FGF2: variants seen among roughly 807,000 people sequenced by gnomAD.
The protein encoded by FGF2 is basic fibroblast growth factor bFGF.
Under a neutral mutation model 15.9 loss-of-function variants are expected in FGF2, and 13 were observed. The ratio of observed to expected loss-of-function variants is 0.82; its 90% CI spans 0.53 to 1.30. The LOEUF is 1.30. Among genes scored for constraint, FGF2 ranks in the 50% most tolerant of loss-of-function variants. The probability of loss-of-function intolerance (pLI) is 0.00; values close to 1 mark genes in which losing one functional copy is unlikely to be tolerated. For synonymous variants in FGF2, 90 were observed against 78.4 expected, an observed-to-expected ratio of 1.15 and a Z score of -0.78; for missense variants, 163 against 196.9, an observed-to-expected ratio of 0.83 and a Z score of 1.03.
intron 1 of FGF2, among the ~76,000 whole-genome samples, chr4:122,830,830 A>AAAAAAAC (rs1156391743): frequency 9.3e-5 from 14 of 151,230 alleles, no homozygotes; most frequent in Non-Finnish European, 1.9e-4. Flanking sequence ...AAAAAAAAAA[A>AAAAAAAC]AAAAAAAAAA....
At chr4:122,887,827 A>G (rs1437519576) in intron 2 of FGF2, among the ~76,000 whole-genome samples, 1 of 152,214 alleles carries the variant, frequency 6.6e-6, no homozygotes, top group Non-Finnish European at 1.5e-5. Flanking sequence ...ATATGTATAC[A>G]TCTACATTTC....
At chr4:122,835,598 C>G (rs747237787) in intron 1 of FGF2, among the ~76,000 whole-genome samples, 6 of 152,114 alleles carry the variant, frequency 3.9e-5, no homozygotes, top group Non-Finnish European at 5.9e-5. Context: ...TTATTCTTGT[C>G]TCCAAAGCTA....
At chr4:122,850,357 G>A (rs1354148043) in intron 1 of FGF2, among the ~76,000 whole-genome samples, 1 of 152,092 alleles carries the variant, frequency 6.6e-6, no homozygotes, top group Non-Finnish European at 1.5e-5. Context: ...TACTTGGGAG[G>A]GCCAGACTCC....
intron 1 of FGF2, among the ~76,000 whole-genome samples, chr4:122,837,088 G>A (rs1424576732): frequency 6.6e-6 from 1 of 152,136 alleles, no homozygotes; most frequent in Non-Finnish European, 1.5e-5. Flanking sequence ...TGGTACCATT[G>A]TTAATATTTT....
chr4:122,874,261 AAAAC>A (rs1489119988), intron 1 of FGF2, among the ~76,000 whole-genome samples: 4 of 152,248 alleles, frequency 2.6e-5, no homozygotes, highest in Admixed American at 2.6e-4. Context: ...ATGTTGATTA[AAAAC>A]AAAGCTTATT....
At chr4:122,871,551 C>T (rs191603052) in intron 1 of FGF2, among the ~76,000 whole-genome samples, 5 of 151,866 alleles carry the variant, frequency 3.3e-5, no homozygotes, top group African/African-American at 4.8e-5. Flanking sequence ...TGGGTGAGAC[C>T]CTCTAACAGG....
intron 1 of FGF2, among the ~76,000 whole-genome samples, chr4:122,829,957 A>G (rs1221742904): frequency 6.6e-6 from 1 of 152,234 alleles, no homozygotes; most frequent in Non-Finnish European, 1.5e-5. Flanking sequence ...AGAAGAGTTA[A>G]TAGTAGCCAC....
intron 1 of FGF2, among the ~76,000 whole-genome samples, chr4:122,874,128 G>A (rs968133336): frequency 1.3e-5 from 2 of 152,160 alleles, no homozygotes; most frequent in African/African-American, 2.4e-5. Flanking sequence ...TGCCTCATGG[G>A]CATTTGTACA....
At chr4:122,882,737 A>T (rs1726985964) in intron 2 of FGF2, 1 of 152,238 alleles carries the variant, frequency 6.6e-6, no homozygotes. Flanking sequence ...ACCAAGATCC[A>T]GTTGTACGTT....
upstream of FGF2, chr4:122,826,786 TG>T (rs776164719): frequency 6.2e-5 from 85 of 1,368,392 alleles, no homozygotes; most frequent in African/African-American, 1.1e-4. Context: ...CTGGTGGGTG[TG>T]GGGGGTGGAG....
Position 122,892,419 on chromosome 4 carries a change from C to T in FGF2, c.*23C>T. The T allele has an allele frequency of 6.2e-7, 1 of 1,611,574 alleles. No homozygotes were observed. Among genetic ancestry groups the T allele is most frequent in the Non-Finnish European group, 8.5e-7 (1 of 1,177,794 alleles). On this transcript the variant is annotated 3_prime_UTR_variant, in exon 3 of 3. Transcript: ENST00000644866. The stretch of plus-strand genomic sequence containing the variant: ...TGATTTTAATGGCCACATCTAATCT[C>T]ATTTCACATGAAAGAAGAAGTATAT...
intron 1 of FGF2, among the ~76,000 whole-genome samples, chr4:122,866,224 C>T (rs1578468948): frequency 1.3e-5 from 2 of 152,030 alleles, no homozygotes; most frequent in South Asian, 2.1e-4. Context: ...AAAAATTAGC[C>T]GGGCGTGGTG....
At chr4:122,843,843 TA>T (rs1726046630) in intron 1 of FGF2, among the ~76,000 whole-genome samples, 1 of 152,312 alleles carries the variant, frequency 6.6e-6, no homozygotes, top group African/African-American at 2.4e-5. Flanking sequence ...ACTGTATTTT[TA>T]AAAAATGCTA....
At chr4:122,854,797 G>T (rs1027438535) in intron 1 of FGF2, among the ~76,000 whole-genome samples, 2 of 152,120 alleles carry the variant, frequency 1.3e-5, no homozygotes, top group African/African-American at 4.8e-5. Context: ...ACGTGCTGCC[G>T]GGGCTATTTT....
chr4:122,838,588 C>T (rs1725913054), intron 1 of FGF2, among the ~76,000 whole-genome samples: 1 of 152,066 alleles, frequency 6.6e-6, no homozygotes, highest in Non-Finnish European at 1.5e-5. Flanking sequence ...AGTTCATGGC[C>T]AGAATTCCGC....
chr4:122,881,099 C>A (rs1385519735), intron 2 of FGF2, among the ~76,000 whole-genome samples: 1 of 152,182 alleles, frequency 6.6e-6, no homozygotes, highest in Non-Finnish European at 1.5e-5. Context: ...GCTGGAGCAG[C>A]TGGGAAGCAA....
At position 122,844,574 on chromosome 4, in the gene FGF2, TC is replaced by T. The variant is rs948435003; in HGVS notation, c.178+17223del. Among the ~76,000 whole-genome samples the T allele has an allele frequency of 1.9e-3, 256 of 131,544 alleles. 1 individual carries two copies. The highest frequency in any genetic ancestry group is 8.3e-3 in the African/African-American group (243 of 29,396). The allele number at this position is 131,544 out of a possible 152,430, so 86.3% of individuals were successfully genotyped here. On this transcript the variant is annotated intron_variant, in intron 1 of 2. Coordinates refer to ENST00000644866, the MANE Select transcript of FGF2 (RefSeq NM_001361665.2). ...CTTTCTCTTTTTCTTTCTTTCTTTT[TC>T]TTTCTTTCTTTCTTCCTTCCTTCCT...
At chr4:122,864,895 G>A (rs1347391269) in intron 1 of FGF2, among the ~76,000 whole-genome samples, 1 of 152,092 alleles carries the variant, frequency 6.6e-6, no homozygotes, top group African/African-American at 2.4e-5. Context: ...TTTTAACAAT[G>A]CAAACATTGT....
intron 1 of FGF2, among the ~76,000 whole-genome samples, chr4:122,870,518 T>C (rs1304967055): frequency 6.6e-6 from 1 of 152,186 alleles, no homozygotes; most frequent in Non-Finnish European, 1.5e-5. Context: ...TTGTTATTGG[T>C]CTATTTAGGG....
Sources: gnomAD v4.1 joint callset for allele counts (sites outside exome capture counted in the v4.1 genomes callset) on GRCh38, gnomAD v4.1.1 for gene constraint, MANE v1.5 for transcripts, NCBI Gene and HGNC (gene_info 2026-07-23, HGNC 2026-07-21) for gene names.